Variants in SNX19 observed in about 807,000 individuals in gnomAD.
SNX19 encodes the protein sorting nexin 19, also known as sorting nexin-19.
In SNX19, 60 loss-of-function variants were observed where a neutral mutation model predicts 85.2. The ratio of observed to expected loss-of-function variants is 0.70; its 90% confidence interval spans 0.57 to 0.87. The LOEUF is 0.87. SNX19 is among the 40% of genes least tolerant of loss of function. The probability of loss-of-function intolerance (pLI) is 0.00; values close to 1 mark genes in which losing one functional copy is unlikely to be tolerated. For synonymous variants in SNX19, 520 were observed against 470.0 expected (o/e 1.11, Z -1.38); for missense variants, 1,201 against 1,217.8 (o/e 0.99, Z 0.21).
chr11:130,913,110 A>T (rs775563474), intron 1 of SNX19, among the ~76,000 whole-genome samples: 2 of 152,190 alleles, frequency 1.3e-5, no homozygotes, highest in Non-Finnish European at 2.9e-5. Context: ...GAACTTAAAC[A>T]TTCTATCCAT....
chr11:130,888,944 G>A (rs1307294939), intron 8 of SNX19, among the ~76,000 whole-genome samples: 2 of 152,054 alleles, frequency 1.3e-5, no homozygotes, highest in African/African-American at 4.8e-5. Context: ...CCTTGACAAA[G>A]AAAATAGAAA....
intron 8 of SNX19, 77 bp from the exon 9 acceptor site, chr11:130,880,883 G>A (rs1943622150): frequency 8.0e-7 from 1 of 1,247,018 alleles, no homozygotes; most frequent in Non-Finnish European, 1.1e-6. Context: ...GACTGTTTAT[G>A]TTCCCCTGCA....
chr11:130,906,764 C>T (rs202205731), intron 5 of SNX19, 43 bp from the exon 6 acceptor site: 82 of 1,363,780 alleles, frequency 6.0e-5, no homozygotes, highest in Non-Finnish European at 1.0e-6. Context: ...TAATTTATGG[C>T]CTTGAGCCTC....
chr11:130,915,706 A>G lies in SNX19; in HGVS notation c.234T>C (p.His78=). Residue 78 remains histidine (H), a synonymous_variant, in exon 1 of 11, where the codon CAT becomes CAC. Transcript: ENST00000265909. ...TGGCCAACGGGATGAAGCGTTCCAG[A>G]TGCAGTCGACCTGAAGCCACTCCAG... ...SLAGVASGRL[H]LERFIPLATC... is the part of the protein sequence containing the mutation. 6.2e-7 allele frequency: 1 copy of G among 1,614,214 alleles called. No homozygotes were observed. The highest frequency in any genetic ancestry group is 8.5e-7 in the Non-Finnish European group (1 of 1,180,044).
At chr11:130,889,031 T>C (rs575729010) in intron 8 of SNX19, among the ~76,000 whole-genome samples, 2 of 152,290 alleles carry the variant, frequency 1.3e-5, no homozygotes, top group African/African-American at 4.8e-5. Context: ...AATCAGTTGA[T>C]ACTACAGCAT....
intron 8 of SNX19, chr11:130,881,077 G>C (rs1351960824): frequency 3.4e-6 from 1 of 290,620 alleles, no homozygotes; most frequent in Non-Finnish European, 6.3e-6. Context: ...CAAGGAAAAG[G>C]GCCCTTGCCA....
chr11:130,879,711 T>A lies in SNX19; in HGVS notation c.2759A>T (p.Asp920Val). Residue 920 changes from aspartate (D) to valine (V), a missense_variant and splice_region_variant, in exon 10 of 11, where the codon GAT becomes GTT. Asp to Val is a radical substitution (Grantham distance 152). This residue lies in a region of SNX19 where 285 missense variants were observed against 295.3 expected (regional missense o/e 0.97). Transcript: ENST00000265909. ...ALQSLMGVLP[D>V]LVVEILGVNK... ...CACCCCAAGAATTTCTACTACGAGATCTGAGGAGGAAAAAACAGATGGAAT... is the reference window on the plus strand; with the variant it reads ...CACCCCAAGAATTTCTACTACGAGAACTGAGGAGGAAAAAACAGATGGAAT... 2 of 1,613,720 alleles carry A rather than the reference T, an allele frequency of 1.2e-6. No individual in the cohort carries two copies. The highest frequency in any genetic ancestry group is 1.7e-6 in the Non-Finnish European group (2 of 1,179,802).
intron 8 of SNX19, among the ~76,000 whole-genome samples, chr11:130,887,966 C>G (rs1336375805): frequency 6.6e-6 from 1 of 152,084 alleles, no homozygotes; most frequent in Admixed American, 6.5e-5. Context: ...GGGATTGAGC[C>G]TTCCTTTAGA....
chr11:130,872,729 G>C lies in SNX19; in HGVS notation c.*5693C>G, dbSNP rs1943076442. ...GAAGCAGAGGGGCCAAGTTATGGCA[G>C]AGTGCGCCCAGTTAGGCCTTCGACT... On this transcript the variant is annotated 3_prime_UTR_variant, in exon 11 of 11. Coordinates refer to ENST00000265909, the MANE Select transcript of SNX19 (RefSeq NM_014758.3). Among the ~76,000 whole-genome samples, 1 of 152,174 alleles carries C rather than the reference G, an allele frequency of 6.6e-6. No individual in the cohort carries two copies. The highest frequency in any genetic ancestry group is 2.4e-5 in the African/African-American group (1 of 41,442).
intron 8 of SNX19, among the ~76,000 whole-genome samples, chr11:130,894,452 G>T (rs1200857896): frequency 1.3e-5 from 2 of 152,232 alleles, no homozygotes; most frequent in African/African-American, 4.8e-5. Flanking sequence ...GCACTAAGGA[G>T]TAGGCAGATA....
At chr11:130,908,863 T>C (rs1004706965) in intron 4 of SNX19, among the ~76,000 whole-genome samples, 3 of 152,230 alleles carry the variant, frequency 2.0e-5, no homozygotes, top group African/African-American at 7.2e-5. Context: ...CTCTGGTGCT[T>C]CTTGCTAACT....
At chr11:130,891,236 A>C (rs917894511) in intron 8 of SNX19, among the ~76,000 whole-genome samples, 7 of 152,202 alleles carry the variant, frequency 4.6e-5, no homozygotes, top group Admixed American at 2.6e-4. Context: ...GCTAATAATA[A>C]AATGAAACTG....
rs774727414 is a variant in SNX19 at position 130,915,391 on chromosome 11, A to C, written c.549T>G (p.Val183=). Residue 183 remains valine, a synonymous_variant, in exon 1 of 11, where the codon GTT becomes GTG. Coordinates refer to ENST00000265909, the MANE Select transcript of SNX19 (RefSeq NM_014758.3). ...AAGCCTCCCAGAGGTGGGAAGGCTC[A>C]ACTGGACCATTCTTCCCTGCAGTGG... ...KEATAGKNGP[V]EPSHLWEAYC... 1 of 1,614,040 alleles carries C rather than the reference A, an allele frequency of 6.2e-7. No individual in the cohort carries two copies. Among genetic ancestry groups the C allele is most frequent in the South Asian group, 1.1e-5 (1 of 91,074 alleles).
At position 130,915,037 on chromosome 11, in the gene SNX19, T is replaced by C. The variant is rs750154105; in HGVS notation, c.903A>G (p.Pro301=). ...LPLIAEVEQL[P]EGRASPVAAP... The stretch of plus-strand genomic sequence containing the variant: ...CTGCTACTGGAGAAGCTCTCCCTTC[T>C]GGAAGCTGCTCTACCTCAGCAATCA... The change falls in exon 1 of 11, where the codon CCA becomes CCG. Residue 301 remains proline (P), a synonymous_variant. Coordinates refer to ENST00000265909, the MANE Select transcript of SNX19 (RefSeq NM_014758.3). The C allele has an allele frequency of 2.5e-6, 4 of 1,614,066 alleles. No individual in the cohort carries two copies. The Admixed American group carries it at 6.7e-5, about 27-fold the overall frequency.
chr11:130,905,378 C>T (rs957417007), intron 7 of SNX19, among the ~76,000 whole-genome samples: 6 of 152,166 alleles, frequency 3.9e-5, no homozygotes, highest in South Asian at 2.1e-4. Flanking sequence ...ATCTTGAACA[C>T]GTTACATTTC....
Position 130,869,952 on chromosome 11 carries a change from T to C in SNX19, c.*8470A>G, listed in dbSNP as rs1230053655. The C allele has an allele frequency of 1.4e-5, 2 of 147,996 alleles. No homozygotes were observed. Among genetic ancestry groups the C allele is most frequent in the African/African-American group, 2.6e-5 (1 of 38,746 alleles). 9.2% of individuals were successfully genotyped at this position (147,996 alleles called of 1,614,324 possible). A position where few individuals can be genotyped will look rare whatever the true frequency, so the allele number is the denominator to read the frequency against. On this transcript the variant is annotated 3_prime_UTR_variant, in exon 11 of 11. Coordinates refer to ENST00000265909, the MANE Select transcript of SNX19 (RefSeq NM_014758.3). Reference sequence around the variant, plus strand: ...AAGAAAAAGCAATTGTGAAGTTCCATAAGAATAGGAGAAATGACAGATATG... The same window carrying C: ...AAGAAAAAGCAATTGTGAAGTTCCACAAGAATAGGAGAAATGACAGATATG...
At chr11:130,908,231 T>C in intron 4 of SNX19, 148 bp from the exon 5 acceptor site, 1 of 755,040 alleles carries the variant, frequency 1.3e-6, no homozygotes, top group East Asian at 2.9e-5. Context: ...GAAGGTCGAA[T>C]ACCAGCTAAT....
At chr11:130,880,527 C>T in intron 9 of SNX19, 95 bp downstream of exon 9, 1 of 1,138,374 alleles carries the variant, frequency 8.8e-7, no homozygotes, top group African/African-American at 1.5e-5. Flanking sequence ...CATTCAGGGC[C>T]CTTTTACAAA....
intron 8 of SNX19, among the ~76,000 whole-genome samples, chr11:130,883,639 A>G (rs1167623218): frequency 6.6e-6 from 1 of 152,116 alleles, no homozygotes; most frequent in Admixed American, 6.6e-5. Flanking sequence ...TCTTTCCTGG[A>G]TTCTCCTCTT....
Sources: allele counts gnomAD v4.1 joint callset (sites outside exome capture counted in the v4.1 genomes callset), GRCh38; gene constraint gnomAD v4.1.1; regional missense constraint gnomAD v4.1.1; transcripts MANE v1.5; gene names NCBI Gene and HGNC (gene_info 2026-07-23, HGNC 2026-07-21).